MUC17: variants seen among roughly 807,000 people sequenced by gnomAD.
The protein encoded by MUC17 is mucin-17.
Under a neutral mutation model 170.3 loss-of-function variants are expected in MUC17, and 190 were observed. The ratio of observed to expected loss-of-function variants is 1.12; its 90% CI spans 0.99 to 1.26. The LOEUF (loss-of-function observed/expected upper bound fraction) is 1.26, where lower values mean the gene tolerates loss of function less well. MUC17 is among the 50% of genes most tolerant of loss of function. The pLI, the probability that MUC17 is intolerant of heterozygous loss-of-function variation, is 0.00. For synonymous variants in MUC17, 2,325 were observed against 2,002.5 expected (o/e 1.16, Z -4.30); for missense variants, 6,415 against 5,530.0 (o/e 1.16, Z -5.08).
At position 101,049,015 on chromosome 7, in the gene MUC17, C is replaced by G. The variant is rs1157989855; in HGVS notation, c.12663+43C>G. ...AGGCCCCATAGCTACTCAGTTCCCC[C>G]CAGAGCAGAGTCTGTAGGGTAAGAA... On this transcript the variant is annotated intron_variant, in intron 5 of 12. Coordinates refer to ENST00000306151, the MANE Select transcript of MUC17 (RefSeq NM_001040105.2). 10 of 1,613,132 alleles carry G rather than the reference C, an allele frequency of 6.2e-6. No homozygotes were observed. In the Admixed American group the frequency reaches 1.3e-4, roughly 22 times the overall value.
chr7:101,024,011 T>G (rs892189763), intron 1 of MUC17, among the ~76,000 whole-genome samples: 3 of 152,230 alleles, frequency 2.0e-5, no homozygotes, highest in Non-Finnish European at 4.4e-5. Flanking sequence ...TTTCATATGC[T>G]TGGTGGTCAT....
At chr7:101,048,169 T>C (rs752292872) in intron 4 of MUC17, 54 bp downstream of exon 4, 11 of 1,486,982 alleles carry the variant, frequency 7.4e-6, no homozygotes, top group African/African-American at 1.4e-5. Context: ...CCGACCTCCA[T>C]ACAAGCAACA....
intron 1 of MUC17, among the ~76,000 whole-genome samples, chr7:101,030,103 C>T (rs868264603): frequency 2.0e-5 from 3 of 152,118 alleles, no homozygotes; most frequent in Non-Finnish European, 2.9e-5. Flanking sequence ...TAAATGTTTA[C>T]GTGTGTTGAA....
Position 101,039,612 on chromosome 7 carries a change from T to C in MUC17, c.8196T>C (p.Ser2732=). 6.2e-7 allele frequency: 1 copy of C among 1,612,822 alleles called. No homozygotes were observed. The highest frequency in any genetic ancestry group is 8.5e-7 in the Non-Finnish European group (1 of 1,179,622). Residue 2732 remains serine, a synonymous_variant, in exon 3 of 13, where the codon TCT becomes TCC. Coordinates refer to ENST00000306151, the MANE Select transcript of MUC17 (RefSeq NM_001040105.2). The part of the protein sequence containing the change: ...PVTTSAEASS[S]PTTAEGTSMR... ...CCACTTCTGCTGAAGCCAGTTCTTC[T>C]CCTACAACTGCTGAAGGTACCAGCA... is the stretch of plus-strand genomic sequence containing the variant.
In MUC17 at chr7:101,049,378, C is replaced by T; in HGVS notation, c.12718C>T (p.Leu4240=). ...GTATGTCGGGGTGAACATCACAAAGCTACGGTAAGTGTCTGGGCCCTTGGG... is the reference window on the plus strand; with the variant it reads ...GTATGTCGGGGTGAACATCACAAAGTTACGGTAAGTGTCTGGGCCCTTGGG... ...PEYVGVNITK[L]RLGSVVVEHD... is the part of the protein sequence containing the mutation. Residue 4240 remains leucine, a synonymous_variant, in exon 6 of 13, where the codon CTA becomes TTA. Transcript: ENST00000306151. 6.2e-7 allele frequency: 1 copy of T among 1,612,232 alleles called. No homozygotes were observed. Among genetic ancestry groups the T allele is most frequent in the East Asian group, 2.2e-5 (1 of 44,882 alleles).
chr7:101,032,916 C>T lies in MUC17; in HGVS notation c.1500C>T (p.Ser500=). Residue 500 remains serine, a synonymous_variant, in exon 3 of 13, where the codon AGC becomes AGT. Coordinates refer to ENST00000306151, the MANE Select transcript of MUC17 (RefSeq NM_001040105.2). ...SSSPPTAEVN[S]MPTSTPSEGS... The stretch of plus-strand genomic sequence containing the variant: ...CTCCTCCAACTGCTGAAGTTAACAG[C>T]ATGCCAACCTCAACTCCTAGTGAAG... 6.8e-6 allele frequency: 11 copies of T among 1,614,046 alleles called. No individual in the cohort carries two copies. The highest frequency in any genetic ancestry group is 1.3e-5 in the African/African-American group (1 of 75,020).
In MUC17 at chr7:101,042,377, C is replaced by G. The variant is rs868161217; in HGVS notation, c.10961C>G (p.Thr3654Arg). The change falls in exon 3 of 13, where the codon ACA (threonine) becomes AGA (arginine). Residue 3654 changes from threonine to arginine, a missense_variant. By Grantham distance (71) the Thr-to-Arg change is moderately conservative. Coordinates refer to ENST00000306151, the MANE Select transcript of MUC17 (RefSeq NM_001040105.2). ...TTSVTISEAG[T>R]ASTLPVDTST... Reference sequence around the variant, plus strand: ...TCGGTGACCATTTCTGAGGCTGGCACAGCTTCAACACTTCCTGTTGACACC... The same window carrying G: ...TCGGTGACCATTTCTGAGGCTGGCAGAGCTTCAACACTTCCTGTTGACACC... 23 of 1,614,088 alleles carry G rather than the reference C, an allele frequency of 1.4e-5. 2 individuals are homozygous for G. In the Middle Eastern group the frequency reaches 3.6e-3, roughly 255 times the overall value.
chr7:101,036,499 A>G lies in MUC17; in HGVS notation c.5083A>G (p.Ile1695Val). ...YTEGRTPLTS[I>V]TVRTTPVASS... ...TGAAGGAAGAACTCCTTTAACAAGT[A>G]TAACTGTCAGAACAACACCGGTGGC... The change falls in exon 3 of 13, where the codon ATA becomes GTA. Residue 1695 changes from isoleucine to valine, a missense_variant. Coordinates refer to ENST00000306151, the MANE Select transcript of MUC17 (RefSeq NM_001040105.2). The G allele has an allele frequency of 6.2e-7, 1 of 1,610,888 alleles. No homozygotes were observed. The highest frequency in any genetic ancestry group is 1.1e-5 in the South Asian group (1 of 90,750).
In MUC17 at chr7:101,050,386, C is replaced by T. The variant is rs1562822884; in HGVS notation, c.12723-98C>T. The T allele has an allele frequency of 2.2e-5, 33 of 1,515,342 alleles. No homozygotes were observed. The East Asian group carries it at 5.4e-4, about 25-fold the overall frequency. The allele number at this position is 1,515,342 out of a possible 1,614,324, so 93.9% of individuals were successfully genotyped here. A position where few individuals can be genotyped will look rare whatever the true frequency, so the allele number is the denominator to read the frequency against. On this transcript the variant is annotated intron_variant, in intron 6 of 12. Transcript: ENST00000306151. ...CCCAACTGTCCTGCCCCCAGCTCTG[C>T]CTTCCCTTGGGATCAGAGAGGGTGA...
In MUC17 at chr7:101,036,717, C is replaced by T. The variant is rs528518398; in HGVS notation, c.5301C>T (p.Ser1767=). Residue 1767 remains serine (S), a synonymous_variant, in exon 3 of 13, where the codon AGC becomes AGT. Coordinates refer to ENST00000306151, the MANE Select transcript of MUC17 (RefSeq NM_001040105.2). ...STTPVLSSEA[S]TLSATPIDTS... Reference sequence around the variant, plus strand: ...CGCCGGTACTCAGTTCTGAGGCTAGCACCCTTTCAGCAACTCCTATTGACA... The same window carrying T: ...CGCCGGTACTCAGTTCTGAGGCTAGTACCCTTTCAGCAACTCCTATTGACA... The T allele has an allele frequency of 1.4e-5, 22 of 1,612,476 alleles. No individual in the cohort carries two copies. The highest frequency in any genetic ancestry group is 1.9e-5 in the Non-Finnish European group (22 of 1,179,390).
Position 101,043,333 on chromosome 7 carries a change from A to G in MUC17, c.11917A>G (p.Thr3973Ala), listed in dbSNP as rs1336797460. ...TGTGATAACTTCCACTGAACTAAAC[A>G]CACCATCAACCTCCAGTAGTAGTAC... ...TPVITSTELN[T>A]PSTSSSSTTT... is the part of the protein sequence containing the mutation. Residue 3973 changes from threonine (T) to alanine (A), a missense_variant, in exon 3 of 13, where the codon ACA (threonine) becomes GCA (alanine). Coordinates refer to ENST00000306151, the MANE Select transcript of MUC17 (RefSeq NM_001040105.2). The G allele has an allele frequency of 1.2e-6, 2 of 1,614,056 alleles. No individual in the cohort carries two copies. The highest frequency in any genetic ancestry group is 1.7e-6 in the Non-Finnish European group (2 of 1,180,028).
intron 11 of MUC17, among the ~76,000 whole-genome samples, chr7:101,055,549 G>GA (rs1355142293): frequency 2.0e-5 from 3 of 152,042 alleles, no homozygotes; most frequent in Admixed American, 1.3e-4. Flanking sequence ...AAAGCTGCAA[G>GA]AAAAAAATTA....
At chr7:101,056,777 T>C (rs1030710529) in intron 12 of MUC17, among the ~76,000 whole-genome samples, 2 of 152,216 alleles carry the variant, frequency 1.3e-5, no homozygotes, top group Admixed American at 6.5e-5. Flanking sequence ...TCCAATACAT[T>C]GATCATAACT....
At chr7:101,044,171 C>T (rs951045662) in intron 3 of MUC17, among the ~76,000 whole-genome samples, 9 of 152,126 alleles carry the variant, frequency 5.9e-5, no homozygotes, top group East Asian at 1.9e-4. Context: ...GATGTGAACT[C>T]GTCCTTTTTT....
chr7:101,037,937 C>T lies in MUC17; in HGVS notation c.6521C>T (p.Ala2174Val), dbSNP rs1379953099. ...ATGCCTGTCAGCACCACAGTGGTGG[C>T]CAGTTCTGCAATCAGCACCCTTTCA... ...TSMPVSTTVV[A>V]SSAISTLSTT... Residue 2174 changes from alanine to valine, a missense_variant, in exon 3 of 13, where the codon GCC (alanine) becomes GTC (valine). Transcript: ENST00000306151. 4 of 1,611,156 alleles carry T rather than the reference C, an allele frequency of 2.5e-6. No homozygotes were observed. Among genetic ancestry groups the T allele is most frequent in the Middle Eastern group, 1.6e-4 (1 of 6,064 alleles).
chr7:101,048,372 C>T (rs1445254998), intron 4 of MUC17: 2 of 265,304 alleles, frequency 7.5e-6, no homozygotes, highest in Admixed American at 1.1e-4. Context: ...GGCAGGATCA[C>T]TTGAGGCCAG....
In MUC17 at chr7:101,031,345, C is replaced by A. The variant is rs557225784; in HGVS notation, c.184+124C>A. The A allele has an allele frequency of 4.7e-3, 6,610 of 1,420,402 alleles. 24 individuals carry two copies. The highest frequency in any genetic ancestry group is 5.7e-3 in the Non-Finnish European group (6,120 of 1,069,454). 88.0% of individuals were successfully genotyped at this position (1,420,402 alleles called of 1,614,324 possible). On this transcript the variant is annotated intron_variant, in intron 2 of 12. Coordinates refer to ENST00000306151, the MANE Select transcript of MUC17 (RefSeq NM_001040105.2). The stretch of plus-strand genomic sequence containing the variant: ...GTGTGTGACGGCTTGAGATCTGGGG[C>A]CAGGAATTACAAGGCAGATGTGGAA...
At chr7:101,051,314 G>A (rs574138956) in intron 7 of MUC17, among the ~76,000 whole-genome samples, 50 of 132,862 alleles carry the variant, frequency 3.8e-4, no homozygotes, top group Middle Eastern at 9.0e-3. Flanking sequence ...GCAGTGAGCC[G>A]AGATTGCACC....
rs1277386977 is a variant in MUC17, at chr7:101,036,537, C to G, written c.5121C>G (p.Ile1707Met). Residue 1707 changes from isoleucine to methionine, a missense_variant, in exon 3 of 13, where the codon ATC (isoleucine) becomes ATG (methionine). Transcript: ENST00000306151. ...CAACACCGGTGGCCAGCTCTGCAATCAGCACCCTTTCAACAACTCCCGTTG... is the reference window on the plus strand; with the variant it reads ...CAACACCGGTGGCCAGCTCTGCAATGAGCACCCTTTCAACAACTCCCGTTG... ...VRTTPVASSA[I>M]STLSTTPVDN... 2 of 1,610,324 alleles carry G rather than the reference C, an allele frequency of 1.2e-6. No individual in the cohort carries two copies. The highest frequency in any genetic ancestry group is 1.7e-6 in the Non-Finnish European group (2 of 1,177,912).
Sources: allele counts gnomAD v4.1 joint callset (sites outside exome capture counted in the v4.1 genomes callset), GRCh38; gene constraint gnomAD v4.1.1; transcripts MANE v1.5; gene names NCBI Gene and HGNC (gene_info 2026-07-23, HGNC 2026-07-21).